ERBB4: variants seen among roughly 807,000 people sequenced by gnomAD.
ERBB4 encodes the protein receptor tyrosine-protein kinase erbB-4.
ERBB4 carries 42 observed loss-of-function variants against 158.0 expected under a neutral mutation model. The ratio of observed to expected loss-of-function variants is 0.27; its 90% confidence interval spans 0.21 to 0.34. The LOEUF (loss-of-function observed/expected upper bound fraction) is 0.34. ERBB4 is among the 10% of genes least tolerant of loss of function. The pLI, the probability that ERBB4 is intolerant of heterozygous loss-of-function variation, is 1.00. For synonymous variants in ERBB4, 583 were observed against 558.7 expected (o/e 1.04, Z -0.61); for missense variants, 1,333 against 1,624.1 (o/e 0.82, Z 3.08).
chr2:211,487,161 A>G (rs2065228575), intron 20 of ERBB4, among the ~76,000 whole-genome samples: 1 of 115,252 alleles, frequency 8.7e-6, no homozygotes, highest in African/African-American at 3.3e-5. Flanking sequence ...CCCACCCCAC[A>G]ACAGGCCCAC....
intron 1 of ERBB4, among the ~76,000 whole-genome samples, chr2:212,505,803 G>C (rs1382418676): frequency 6.7e-6 from 1 of 148,858 alleles, no homozygotes; most frequent in East Asian, 1.9e-4. Flanking sequence ...AAAGTCCTTT[G>C]TTTCTGACTC....
chr2:211,572,639 G>C (rs1453873907), intron 19 of ERBB4, among the ~76,000 whole-genome samples: 1 of 152,086 alleles, frequency 6.6e-6, no homozygotes, highest in Non-Finnish European at 1.5e-5. Flanking sequence ...ACCTTCCCCT[G>C]GTTTCTTCAA....
intron 2 of ERBB4, among the ~76,000 whole-genome samples, chr2:212,079,861 A>G (rs1380340500): frequency 6.6e-6 from 1 of 152,148 alleles, no homozygotes; most frequent in South Asian, 2.1e-4. Flanking sequence ...TCAGATAGAT[A>G]GATAGATATA....
chr2:212,402,416 G>T (rs532721832), intron 1 of ERBB4, among the ~76,000 whole-genome samples: 72 of 152,212 alleles, frequency 4.7e-4, no homozygotes, highest in Non-Finnish European at 1.0e-4. Context: ...GATCCTTTCA[G>T]TATCCTGACG....
chr2:212,279,072 TTGTG>T (rs1435969782), intron 1 of ERBB4, among the ~76,000 whole-genome samples: 34 of 151,522 alleles, frequency 2.2e-4, no homozygotes, highest in Non-Finnish European at 4.1e-4. Flanking sequence ...TACTGTAAAT[TTGTG>T]TGTATTTTTA....
intron 1 of ERBB4, among the ~76,000 whole-genome samples, chr2:212,463,853 CTTTAAA>C (rs985333531): frequency 9.2e-5 from 14 of 152,198 alleles, no homozygotes; most frequent in African/African-American, 3.1e-4. Context: ...CATTGAGAAA[CTTTAAA>C]TTTAAGTTTA....
intron 1 of ERBB4, among the ~76,000 whole-genome samples, chr2:212,253,924 T>C (rs1021839178): frequency 1.3e-5 from 2 of 152,126 alleles, no homozygotes; most frequent in Non-Finnish European, 2.9e-5. Flanking sequence ...CTGTATAGTA[T>C]GTTACTGTAC....
intron 20 of ERBB4, among the ~76,000 whole-genome samples, chr2:211,555,164 C>G (rs989397698): frequency 6.6e-6 from 1 of 152,002 alleles, no homozygotes; most frequent in Non-Finnish European, 1.5e-5. Context: ...AAGAAACAAA[C>G]AATTTTGGTG....
At chr2:212,194,032 C>CT (rs1221013443) in intron 1 of ERBB4, among the ~76,000 whole-genome samples, 1 of 151,928 alleles carries the variant, frequency 6.6e-6, no homozygotes, top group Non-Finnish European at 1.5e-5. Context: ...ATAAAAAGGA[C>CT]TTTAAAGGTG....
intron 3 of ERBB4, among the ~76,000 whole-genome samples, chr2:211,803,860 A>C (rs991350785): frequency 2.6e-5 from 4 of 152,166 alleles, no homozygotes; most frequent in Non-Finnish European, 5.9e-5. Flanking sequence ...ATTGATAAAG[A>C]ATGGAAAGGG....
At chr2:211,392,583 C>CAT (rs1353223190) in intron 25 of ERBB4, among the ~76,000 whole-genome samples, 1 of 151,332 alleles carries the variant, frequency 6.6e-6, no homozygotes, top group Non-Finnish European at 1.5e-5. Context: ...CACACACACA[C>CAT]ACACACACAC....
chr2:211,722,589 A>G (rs2074138655), intron 6 of ERBB4, 55 bp from the exon 7 acceptor site: 32 of 1,561,822 alleles, frequency 2.0e-5, no homozygotes, highest in Non-Finnish European at 2.8e-5. Context: ...ATACTTGTTA[A>G]TGAAACGCTG....
chr2:212,479,089 G>A (rs1689552298), intron 1 of ERBB4, among the ~76,000 whole-genome samples: 1 of 152,100 alleles, frequency 6.6e-6, no homozygotes, highest in Non-Finnish European at 1.5e-5. Flanking sequence ...ATTAAAATCT[G>A]GAACCAGAAT....
intron 1 of ERBB4, among the ~76,000 whole-genome samples, chr2:212,241,810 A>G (rs1206518099): frequency 1.3e-5 from 2 of 152,032 alleles, no homozygotes; most frequent in Admixed American, 1.3e-4. Flanking sequence ...ACTTAATCTT[A>G]TTTTCATCAT....
chr2:212,188,222 CT>C (rs2082077085), intron 1 of ERBB4, among the ~76,000 whole-genome samples: 1 of 36,456 alleles, frequency 2.7e-5, no homozygotes, highest in African/African-American at 9.8e-5. Context: ...CTCTCTCTCT[CT>C]CTCTCTCTCT....
At chr2:211,765,787 A>G (rs2075537836) in intron 4 of ERBB4, among the ~76,000 whole-genome samples, 1 of 152,206 alleles carries the variant, frequency 6.6e-6, no homozygotes, top group Non-Finnish European at 1.5e-5. Context: ...AAACTTTTAA[A>G]TTTATCATTG....
intron 3 of ERBB4, among the ~76,000 whole-genome samples, chr2:211,835,394 A>T (rs867053187): frequency 3.4e-5 from 4 of 117,562 alleles, no homozygotes; most frequent in Non-Finnish European, 5.7e-5. Flanking sequence ...CCACTCTGAC[A>T]CTTGAAGTTT....
At chr2:212,440,148 C>T (rs2092223264) in intron 1 of ERBB4, among the ~76,000 whole-genome samples, 1 of 152,180 alleles carries the variant, frequency 6.6e-6, no homozygotes, top group African/African-American at 2.4e-5. Context: ...TGAGTGTCAA[C>T]TTGATTGGAT....
rs1049738598 is a variant in ERBB4, at chr2:212,237,913, C to A, written c.83-113010G>T. Among the ~76,000 whole-genome samples, 4 of 152,108 alleles carry A rather than the reference C, an allele frequency of 2.6e-5. No individual in the cohort carries two copies. In the South Asian group the frequency reaches 8.3e-4, roughly 32 times the overall value. On this transcript the variant is annotated intron_variant, in intron 1 of 27. Transcript: ENST00000342788. ...CCACCTACTCAAGTCTCAGTAATAG[C>A]GGACGCCCCTCCCCCAACAAAGCTC...
Sources: allele counts gnomAD v4.1 joint callset (sites outside exome capture counted in the v4.1 genomes callset), GRCh38; gene constraint gnomAD v4.1.1; transcripts MANE v1.5; gene names NCBI Gene and HGNC (gene_info 2026-07-23, HGNC 2026-07-21).